FLNB: variants seen among roughly 807,000 people sequenced by gnomAD.
FLNB encodes filamin B, also known as filamin-B.
FLNB carries 111 observed loss-of-function variants against 250.6 expected under a neutral mutation model. The observed-to-expected ratio is 0.44, with a 90% CI of 0.38 to 0.52. FLNB has a LOEUF of 0.52. FLNB is among the 20% of genes least tolerant of loss of function. The pLI is 0.00. For missense variants in FLNB, 2,869 were observed against 3,447.8 expected (o/e 0.83, Z 4.20); for synonymous variants, 1,302 against 1,372.1 (o/e 0.95, Z 1.13).
chr3:58,062,357 C>T (rs2097179895), intron 1 of FLNB, among the ~76,000 whole-genome samples: 1 of 152,190 alleles, frequency 6.6e-6, no homozygotes, highest in Non-Finnish European at 1.5e-5. Context: ...ATTTCTTATT[C>T]TTTTCACAGC....
In FLNB at chr3:58,078,751, G is replaced by A. The variant is rs548961736; in HGVS notation, c.576G>A (p.Gln192=). 21 of 1,613,950 alleles carry A rather than the reference G, an allele frequency of 1.3e-5. No individual in the cohort carries two copies. In the African/African-American group the frequency reaches 1.3e-4, roughly 10 times the overall value. ...CAGACTGGGAATCCTGGGACCCGCA[G>A]AAGCCTGTGGATAATGCACGAGAAG... ...LCPDWESWDP[Q]KPVDNAREAM... Residue 192 remains glutamine, a synonymous_variant, in exon 3 of 46, where the codon CAG becomes CAA. Coordinates refer to ENST00000295956, the MANE Select transcript of FLNB (RefSeq NM_001457.4).
intron 20 of FLNB, among the ~76,000 whole-genome samples, chr3:58,121,971 C>A (rs1457084512): frequency 6.6e-6 from 1 of 150,640 alleles, no homozygotes; most frequent in African/African-American, 2.4e-5. Flanking sequence ...AGATCAAGAC[C>A]ATCCTGGCTA....
intron 22 of FLNB, 54 bp from the exon 23 acceptor site, chr3:58,125,527 C>T: frequency 6.3e-7 from 1 of 1,582,536 alleles, no homozygotes; most frequent in Non-Finnish European, 8.7e-7. Flanking sequence ...AATCATTTTT[C>T]ACAAATAGGG....
intron 1 of FLNB, among the ~76,000 whole-genome samples, chr3:58,016,367 A>G (rs2097105755): frequency 6.6e-6 from 1 of 151,878 alleles, no homozygotes; most frequent in African/African-American, 2.4e-5. Flanking sequence ...TGTTTAGTGT[A>G]GGGTAGTAAA....
At chr3:58,082,012 T>C (rs1286154795) in intron 4 of FLNB, among the ~76,000 whole-genome samples, 5 of 146,902 alleles carry the variant, frequency 3.4e-5, no homozygotes, top group Non-Finnish European at 6.2e-5. Context: ...TTGGTGATTT[T>C]AGTGCAGTAG....
chr3:58,018,461 A>C (rs1052642982), intron 1 of FLNB, among the ~76,000 whole-genome samples: 1 of 148,990 alleles, frequency 6.7e-6, no homozygotes, highest in Non-Finnish European at 1.5e-5. Context: ...CAGCCTCCTG[A>C]GTAGCTGGGA....
intron 1 of FLNB, among the ~76,000 whole-genome samples, chr3:58,069,032 A>G (rs1718476): frequency 0.063 from 9,473 of 151,446 alleles, 931 homozygotes; most frequent in African/African-American, 0.21. Flanking sequence ...AGTCCTAGCT[A>G]CCCAGGAGGC....
chr3:58,131,901 CTCAAGTAACAGCCTTTTGA>C, intron 25 of FLNB: 1 of 1,492,568 alleles, frequency 6.7e-7, no homozygotes, highest in South Asian at 1.2e-5. Context: ...ATGAAGGACT[CTCAAGTAACAGCCTTTTGA>C]TTTTAGCTGA....
In FLNB at chr3:58,142,592, C is replaced by A; in HGVS notation, c.5182-58C>A. The A allele has an allele frequency of 6.9e-7, 1 of 1,450,376 alleles. No homozygotes were observed. Among genetic ancestry groups the A allele is most frequent in the Non-Finnish European group, 9.7e-7 (1 of 1,034,104 alleles). The allele number at this position is 1,450,376 out of a possible 1,614,324, so 89.8% of individuals were successfully genotyped here. A position where few individuals can be genotyped will look rare whatever the true frequency, so the allele number is the denominator to read the frequency against. On this transcript the variant is annotated intron_variant, in intron 30 of 45. Coordinates refer to ENST00000295956, the MANE Select transcript of FLNB (RefSeq NM_001457.4). This position sits in a 1 kb window ranked among gnomAD's most constrained non-coding sequence, Gnocchi z 4.3. Reference sequence around the variant, plus strand: ...TTCCCAGCAGCTCTAACCCCTGTAGCTTCACCAGCTCCCGCTGTTGTCTGC... The same window carrying A: ...TTCCCAGCAGCTCTAACCCCTGTAGATTCACCAGCTCCCGCTGTTGTCTGC...
At chr3:58,149,361 T>G in intron 36 of FLNB, 1 of 254,834 alleles carries the variant, frequency 3.9e-6, no homozygotes, top group Non-Finnish European at 7.6e-6. Flanking sequence ...CGCTGGTGAA[T>G]TCTAGACAAA....
chr3:58,078,748 G>A lies in FLNB; in HGVS notation c.573G>A (p.Pro191=), dbSNP rs777288549. The A allele has an allele frequency of 8.1e-6, 13 of 1,613,540 alleles. No homozygotes were observed. The highest frequency in any genetic ancestry group is 6.7e-5 in the East Asian group (3 of 44,888). ...GLCPDWESWD[P]QKPVDNAREA... Reference sequence around the variant, plus strand: ...GCCCAGACTGGGAATCCTGGGACCCGCAGAAGCCTGTGGATAATGCACGAG... The same window carrying A: ...GCCCAGACTGGGAATCCTGGGACCCACAGAAGCCTGTGGATAATGCACGAG... Residue 191 remains proline, a synonymous_variant, in exon 3 of 46, where the codon CCG becomes CCA. Transcript: ENST00000295956.
In FLNB at chr3:58,097,871, T is replaced by G. The variant is rs1197720579; in HGVS notation, c.1041T>G (p.Val347=). The change falls in exon 7 of 46, where the codon GTT becomes GTG. Residue 347 remains valine (V), a synonymous_variant. Coordinates refer to ENST00000295956, the MANE Select transcript of FLNB (RefSeq NM_001457.4). ...CCAAGAGCCCATTTGAAGTGAGTGT[T>G]GACAAGGCCCAGGGAGATGCCAGTA... The part of the protein sequence containing the change: ...HISKSPFEVS[V]DKAQGDASKV... 6.2e-7 allele frequency: 1 copy of G among 1,614,140 alleles called. No individual in the cohort carries two copies.
At position 58,171,021 on chromosome 3, in the gene FLNB, GA is replaced by G. The variant is rs1417843546; in HGVS notation, c.*261del. ...TAGGTGCAAACCAGAACTCTTGGTG[GA>G]ACAGACCAGCCACTGCAGCAGACAG... On this transcript the variant is annotated 3_prime_UTR_variant, in exon 46 of 46. Coordinates refer to ENST00000295956, the MANE Select transcript of FLNB (RefSeq NM_001457.4). The surrounding 1 kb of genome is among the most constrained non-coding windows in gnomAD (Gnocchi z 5.5). The G allele has an allele frequency of 2.1e-6, 1 of 477,792 alleles. No homozygotes were observed. The highest frequency in any genetic ancestry group is 3.8e-6 in the Non-Finnish European group (1 of 261,998). 29.6% of individuals were successfully genotyped at this position (477,792 alleles called of 1,614,324 possible). A position where few individuals can be genotyped will look rare whatever the true frequency, so the allele number is the denominator to read the frequency against.
chr3:58,129,951 C>T (rs768853281), intron 24 of FLNB, among the ~76,000 whole-genome samples: 7 of 152,196 alleles, frequency 4.6e-5, no homozygotes, highest in Non-Finnish European at 7.3e-5. Flanking sequence ...CTCCTCTCCT[C>T]GACTCCTCTG....
intron 44 of FLNB, 187 bp downstream of exon 44, chr3:58,168,845 G>A: frequency 1.2e-5 from 8 of 640,418 alleles, no homozygotes; most frequent in East Asian, 2.8e-5. Flanking sequence ...GAGTGGAGCC[G>A]TGCAGAAGTT....
intron 31 of FLNB, among the ~76,000 whole-genome samples, chr3:58,143,253 A>C (rs1233012486): frequency 6.6e-6 from 1 of 152,092 alleles, no homozygotes; most frequent in Non-Finnish European, 1.5e-5. Context: ...AAACTCTTTA[A>C]GAGTTGTCTG....
intron 29 of FLNB, 84 bp downstream of exon 29, chr3:58,138,613 C>A (rs1432737197): frequency 1.3e-6 from 2 of 1,554,492 alleles, no homozygotes; most frequent in African/African-American, 2.7e-5. Flanking sequence ...ACTAGGATAT[C>A]CTCTTCACCT....
intron 3 of FLNB, among the ~76,000 whole-genome samples, chr3:58,080,648 C>A (rs189136473): frequency 1.3e-5 from 2 of 152,020 alleles, no homozygotes; most frequent in Admixed American, 1.3e-4. Flanking sequence ...GTGTATGCCA[C>A]CATGCCTGGC....
At chr3:58,091,017 G>A (rs1255213218) in intron 4 of FLNB, among the ~76,000 whole-genome samples, 1 of 151,812 alleles carries the variant, frequency 6.6e-6, no homozygotes, top group Non-Finnish European at 1.5e-5. Context: ...GGCAGAGCTT[G>A]CAGTGAGCCA....
Sources: allele counts gnomAD v4.1 joint callset (sites outside exome capture counted in the v4.1 genomes callset), GRCh38; gene constraint gnomAD v4.1.1; non-coding constraint Gnocchi (gnomAD v3.1); transcripts MANE v1.5; gene names NCBI Gene and HGNC (gene_info 2026-07-23, HGNC 2026-07-21).